Variants in PARD6G observed in about 807,000 individuals in gnomAD.
PARD6G encodes the protein par-6 family cell polarity regulator gamma.
A neutral mutation model predicts 10.7 loss-of-function variants in PARD6G; 7 were observed. That is an observed-to-expected ratio of 0.66 (90% confidence interval 0.37 to 1.23). The LOEUF (loss-of-function observed/expected upper bound fraction) is 1.23. Ranked by LOEUF, PARD6G falls within the 50% of genes most tolerant of loss-of-function variation. The pLI is 0.02. For synonymous variants in PARD6G, 287 were observed against 269.4 expected, an observed-to-expected ratio of 1.07 and a Z score of -0.64; for missense variants, 548 against 571.8, an observed-to-expected ratio of 0.96 and a Z score of 0.42.
intron 1 of PARD6G, among the ~76,000 whole-genome samples, chr18:80,221,952 G>A (rs1967235029): frequency 6.6e-6 from 1 of 151,902 alleles, no homozygotes; most frequent in African/African-American, 2.4e-5. Context: ...CATTACAAAG[G>A]ATAAAACAGG....
At chr18:80,187,614 C>T (rs2052887128) in intron 2 of PARD6G, 1 of 152,294 alleles carries the variant, frequency 6.6e-6, no homozygotes, top group Admixed American at 6.5e-5. Flanking sequence ...CCCCCCCATC[C>T]ACCTCCTGGC....
At chr18:80,216,914 T>C (rs982848370) in intron 1 of PARD6G, among the ~76,000 whole-genome samples, 5 of 152,104 alleles carry the variant, frequency 3.3e-5, no homozygotes, top group Non-Finnish European at 7.4e-5. Flanking sequence ...AAATCAGTAA[T>C]GGTGAAGGGG....
In PARD6G at chr18:80,247,142, GC is replaced by G; in HGVS notation, c.72+134del. On this transcript the variant is annotated intron_variant, in intron 1 of 2. Coordinates refer to ENST00000353265, the MANE Select transcript of PARD6G (RefSeq NM_032510.4). The surrounding 1 kb of genome is among the most constrained non-coding windows in gnomAD (Gnocchi z 4.2). ...TCCCCAGTGCGCGTCCCGCGGAGCGGCGCGCGGCGCCCGAACTGGAAAGTTG... is the reference window on the plus strand; with the variant it reads ...TCCCCAGTGCGCGTCCCGCGGAGCGGGCGCGGCGCCCGAACTGGAAAGTTG... The G allele has an allele frequency of 1.8e-6, 1 of 562,528 alleles. No homozygotes were observed. The highest frequency in any genetic ancestry group is 3.7e-5 in the East Asian group (1 of 27,216). 34.8% of individuals were successfully genotyped at this position (562,528 alleles called of 1,614,324 possible).
At chr18:80,237,599 C>T (rs1482582596) in intron 1 of PARD6G, among the ~76,000 whole-genome samples, 1 of 152,294 alleles carries the variant, frequency 6.6e-6, no homozygotes, top group Admixed American at 6.5e-5. Flanking sequence ...GCAATCTACT[C>T]ATCTGACAAA....
intron 2 of PARD6G, chr18:80,171,382 C>G (rs114992248): frequency 6.6e-6 from 1 of 152,272 alleles, no homozygotes; most frequent in Non-Finnish European, 1.5e-5. Context: ...CATCCCTCCC[C>G]GAATTCACGG....
intron 1 of PARD6G, among the ~76,000 whole-genome samples, chr18:80,223,937 A>C (rs1246745043): frequency 1.3e-5 from 2 of 152,246 alleles, no homozygotes; most frequent in Non-Finnish European, 2.9e-5. Flanking sequence ...GGTTTGGTCC[A>C]ACCCAGCTGG....
At chr18:80,219,238 CT>C (rs1480268988) in intron 1 of PARD6G, among the ~76,000 whole-genome samples, 1 of 149,430 alleles carries the variant, frequency 6.7e-6, no homozygotes, top group Non-Finnish European at 1.5e-5. Context: ...GAGATGAAGT[CT>C]TGCTCTTGTC....
intron 1 of PARD6G, among the ~76,000 whole-genome samples, chr18:80,217,781 G>C (rs1362469681): frequency 6.6e-6 from 1 of 152,198 alleles, no homozygotes; most frequent in African/African-American, 2.4e-5. Flanking sequence ...GGACATACCT[G>C]AGACTGGGTA....
chr18:80,214,101 A>C (rs558092496), intron 1 of PARD6G, among the ~76,000 whole-genome samples: 1 of 152,172 alleles, frequency 6.6e-6, no homozygotes, highest in South Asian at 2.1e-4. Context: ...ATTTTAAATT[A>C]GCTATTATAA....
In PARD6G at chr18:80,181,312, C is replaced by A. The variant is rs1022800886; in HGVS notation, c.296-20706G>T. On this transcript the variant is annotated intron_variant, in intron 2 of 2. Coordinates refer to ENST00000353265, the MANE Select transcript of PARD6G (RefSeq NM_032510.4). The surrounding 1 kb of genome is among the most constrained non-coding windows in gnomAD (Gnocchi z 7.9). ...TCCCTCAGCCAAGTCAGCCGATGTC[C>A]CCAGCTGGGATGTCTGCGGAAGCTG... Among the ~76,000 whole-genome samples the A allele has an allele frequency of 2.0e-5, 3 of 152,152 alleles. No homozygotes were observed. The highest frequency in any genetic ancestry group is 4.4e-5 in the Non-Finnish European group (3 of 68,014).
At chr18:80,170,265 G>C (rs1490109411) in intron 2 of PARD6G, 1 of 152,220 alleles carries the variant, frequency 6.6e-6, no homozygotes, top group Non-Finnish European at 1.5e-5. Context: ...GAACTCCTTG[G>C]CAGTTTTATC....
At chr18:80,213,058 A>G (rs1439609193) in intron 1 of PARD6G, among the ~76,000 whole-genome samples, 1 of 152,194 alleles carries the variant, frequency 6.6e-6, no homozygotes, top group Non-Finnish European at 1.5e-5. Flanking sequence ...ATCAGCCCAT[A>G]GTAAATTGGT....
At chr18:80,213,324 G>C (rs1194510384) in intron 1 of PARD6G, among the ~76,000 whole-genome samples, 2 of 152,150 alleles carry the variant, frequency 1.3e-5, no homozygotes, top group African/African-American at 4.8e-5. Context: ...CTTTGTGCAT[G>C]GCCATGAAAG....
intron 2 of PARD6G, among the ~76,000 whole-genome samples, chr18:80,173,589 C>T (rs2052790971): frequency 6.6e-6 from 1 of 151,818 alleles, no homozygotes; most frequent in Admixed American, 6.6e-5. Context: ...TGTGCCACTG[C>T]ACTCCAATCT....
At chr18:80,238,145 G>A (rs1380231953) in intron 1 of PARD6G, among the ~76,000 whole-genome samples, 2 of 151,838 alleles carry the variant, frequency 1.3e-5, no homozygotes, top group Non-Finnish European at 2.9e-5. Flanking sequence ...TATACACCAC[G>A]GAATACTATG....
intron 1 of PARD6G, among the ~76,000 whole-genome samples, chr18:80,242,154 C>T (rs1364430911): frequency 2.0e-5 from 3 of 151,902 alleles, no homozygotes; most frequent in African/African-American, 7.3e-5. Context: ...TCAGTGCCCC[C>T]CAGGCTGACT....
intron 1 of PARD6G, among the ~76,000 whole-genome samples, chr18:80,224,503 TGG>T (rs1032420159): frequency 1.3e-5 from 2 of 152,194 alleles, no homozygotes; most frequent in Non-Finnish European, 2.9e-5. Context: ...GCTTCAAAGC[TGG>T]ATATCTGTCT....
Position 80,158,011 on chromosome 18 carries a change from G to T in PARD6G, c.*1760C>A, listed in dbSNP as rs1392108778. 1.3e-5 allele frequency: 2 copies of T among 152,174 alleles called. No homozygotes were observed. The highest frequency in any genetic ancestry group is 1.3e-4 in the Admixed American group (2 of 15,276). The allele number at this position is 152,174 out of a possible 1,614,324, so 9.4% of individuals were successfully genotyped here. A position where few individuals can be genotyped will look rare whatever the true frequency, so the allele number is the denominator to read the frequency against. On this transcript the variant is annotated 3_prime_UTR_variant, in exon 3 of 3. Coordinates refer to ENST00000353265, the MANE Select transcript of PARD6G (RefSeq NM_032510.4). ...GAAAAATATTTCTTTACCTGTATCT[G>T]TATGAAAGATTTGGTCAGAGTTCTC...
At chr18:80,233,857 G>A (rs773627087) in intron 1 of PARD6G, among the ~76,000 whole-genome samples, 25 of 152,186 alleles carry the variant, frequency 1.6e-4, no homozygotes, top group Non-Finnish European at 2.4e-4. Flanking sequence ...TTTGACAAGC[G>A]TACTGATGTG....
Sources: gnomAD v4.1 joint callset for allele counts (sites outside exome capture counted in the v4.1 genomes callset) on GRCh38, gnomAD v4.1.1 for gene constraint, Gnocchi (gnomAD v3.1) non-coding constraint, MANE v1.5 for transcripts, NCBI Gene and HGNC (gene_info 2026-07-23, HGNC 2026-07-21) for gene names.